The following SLCO1C1 variants were observed in gnomAD, a reference collection of about 807,000 sequenced individuals.
SLCO1C1 encodes OAT-RP-5.
Under a neutral mutation model 76.4 loss-of-function variants are expected in SLCO1C1, and 70 were observed. The observed-to-expected ratio is 0.92, with a 90% CI of 0.76 to 1.12. The LOEUF (loss-of-function observed/expected upper bound fraction) is 1.12. Among genes scored for constraint, SLCO1C1 ranks in the 50% most tolerant of loss-of-function variants. The pLI, the probability that SLCO1C1 is intolerant of heterozygous loss-of-function variation, is 0.00. For synonymous variants in SLCO1C1, 306 were observed against 286.1 expected (o/e 1.07, Z -0.70); for missense variants, 912 against 823.8 (o/e 1.11, Z -1.31).
At chr12:20,728,869 A>G (rs1948149622) in intron 9 of SLCO1C1, among the ~76,000 whole-genome samples, 1 of 152,102 alleles carries the variant, frequency 6.6e-6, no homozygotes, top group South Asian at 2.1e-4. Flanking sequence ...TAATAATTAT[A>G]TAATAAAATG....
chr12:20,751,916 T>C (rs992095287), intron 14 of SLCO1C1, among the ~76,000 whole-genome samples: 4 of 152,164 alleles, frequency 2.6e-5, no homozygotes, highest in African/African-American at 9.6e-5. Context: ...GGTCTGAGGA[T>C]AGGGTAGCCA....
chr12:20,696,608 T>A, intron 1 of SLCO1C1: 1 of 152,162 alleles, frequency 6.6e-6, no homozygotes, highest in East Asian at 1.9e-4. Flanking sequence ...GAATAAGTTA[T>A]GCTCCAAACC....
At chr12:20,743,096 A>T (rs1332611382) in intron 12 of SLCO1C1, among the ~76,000 whole-genome samples, 5 of 152,190 alleles carry the variant, frequency 3.3e-5, no homozygotes, top group Non-Finnish European at 7.3e-5. Flanking sequence ...TTCTAGAAAT[A>T]TTAATTATAA....
intron 5 of SLCO1C1, among the ~76,000 whole-genome samples, chr12:20,713,697 A>G (rs1947241414): frequency 6.6e-6 from 1 of 152,208 alleles, no homozygotes; most frequent in Non-Finnish European, 1.5e-5. Context: ...CTGTCCACAG[A>G]ACTATCTGTG....
chr12:20,745,800 GGGTGACAA>G (rs1267471210), intron 13 of SLCO1C1, among the ~76,000 whole-genome samples: 5 of 151,722 alleles, frequency 3.3e-5, no homozygotes, highest in Non-Finnish European at 2.9e-5. Flanking sequence ...ACTCCAGCCT[GGGTGACAA>G]AGCAAGTCTC....
intron 3 of SLCO1C1, among the ~76,000 whole-genome samples, chr12:20,704,303 C>G (rs1272140181): frequency 1.4e-5 from 2 of 146,642 alleles, no homozygotes; most frequent in East Asian, 4.1e-4. Context: ...ATGACATGCC[C>G]ATTAACGTAA....
At chr12:20,712,384 G>T (rs1167140210) in intron 5 of SLCO1C1, among the ~76,000 whole-genome samples, 2 of 152,128 alleles carry the variant, frequency 1.3e-5, no homozygotes, top group East Asian at 1.9e-4. Context: ...CTTGCCTCCT[G>T]CCTGGGCTTC....
intron 13 of SLCO1C1, among the ~76,000 whole-genome samples, chr12:20,747,144 G>T (rs1046112487): frequency 5.9e-5 from 9 of 152,182 alleles, no homozygotes; most frequent in Non-Finnish European, 8.8e-5. Flanking sequence ...AAGAGTTCAG[G>T]CTGGGCACAT....
At chr12:20,739,156 C>A (rs1367109168) in intron 11 of SLCO1C1, among the ~76,000 whole-genome samples, 1 of 152,100 alleles carries the variant, frequency 6.6e-6, no homozygotes, top group Non-Finnish European at 1.5e-5. Context: ...ATGTCATATC[C>A]TCAAATTGTT....
Position 20,695,370 on chromosome 12 carries a change from A to C in SLCO1C1, c.-463A>C, listed in dbSNP as rs1946224639. The C allele has an allele frequency of 6.6e-6, 1 of 152,092 alleles. No homozygotes were observed. Among genetic ancestry groups the C allele is most frequent in the African/African-American group, 2.4e-5 (1 of 41,426 alleles). 9.4% of individuals were successfully genotyped at this position (152,092 alleles called of 1,614,324 possible). ...CCCCTGCGGAGTTGTGTTTTCTGGG[A>C]ATCAGCAAGTAAGATCACAAGTGGT... On this transcript the variant is annotated 5_prime_UTR_variant, in exon 1 of 15. Transcript: ENST00000266509.
At chr12:20,705,109 C>G (rs1946711775) in intron 3 of SLCO1C1, among the ~76,000 whole-genome samples, 1 of 151,894 alleles carries the variant, frequency 6.6e-6, no homozygotes, top group South Asian at 2.1e-4. Context: ...TTTTTACGCA[C>G]AGCAAAGCGT....
At position 20,733,053 on chromosome 12, in the gene SLCO1C1, C is replaced by T. The variant is rs1365126002; in HGVS notation, c.1331C>T (p.Ala444Val). 1.2e-6 allele frequency: 2 copies of T among 1,610,118 alleles called. No individual in the cohort carries two copies. The highest frequency in any genetic ancestry group is 4.5e-5 in the East Asian group (2 of 44,838). Residue 444 changes from alanine to valine, a missense_variant, in exon 10 of 15, where the codon GCA becomes GTA. Ala to Val is a moderately conservative substitution (Grantham distance 64). Transcript: ENST00000266509. ...FGYLLFLSLF[A>V]LGCENSDVAG... ...TACCTCCTATTTCTTTCCCTGTTTG[C>T]ACTGGGCTGTGAAAATTCTGATGTG...
chr12:20,726,364 C>T (rs930799035), intron 9 of SLCO1C1, among the ~76,000 whole-genome samples: 4 of 151,632 alleles, frequency 2.6e-5, no homozygotes, highest in African/African-American at 9.7e-5. Context: ...TTTGACATAC[C>T]ATGGAGGGGT....
intron 6 of SLCO1C1, among the ~76,000 whole-genome samples, chr12:20,716,644 C>T (rs1947371463): frequency 6.6e-6 from 1 of 152,180 alleles, no homozygotes; most frequent in South Asian, 2.1e-4. Context: ...TTGCTAGCTG[C>T]ATCTGGGGAT....
intron 13 of SLCO1C1, among the ~76,000 whole-genome samples, 160 bp from the exon 14 acceptor site, chr12:20,750,515 G>T (rs982659457): frequency 2.6e-5 from 4 of 152,162 alleles, no homozygotes; most frequent in Non-Finnish European, 4.4e-5. Context: ...TATGAGAAAA[G>T]ACTGGATTAG....
At chr12:20,701,841 A>C (rs1428567322) in intron 3 of SLCO1C1, among the ~76,000 whole-genome samples, 2 of 151,996 alleles carry the variant, frequency 1.3e-5, no homozygotes, top group Non-Finnish European at 2.9e-5. Flanking sequence ...GGTGTGGAAT[A>C]ATCCAAATGC....
chr12:20,729,403 A>C (rs1948169013), intron 9 of SLCO1C1, among the ~76,000 whole-genome samples: 1 of 152,164 alleles, frequency 6.6e-6, no homozygotes, highest in Non-Finnish European at 1.5e-5. Context: ...TTTTATTGGA[A>C]ACCACTGAAA....
At chr12:20,738,111 A>T (rs1565538679) in intron 11 of SLCO1C1, among the ~76,000 whole-genome samples, 1 of 152,070 alleles carries the variant, frequency 6.6e-6, no homozygotes, top group Non-Finnish European at 1.5e-5. Flanking sequence ...CACATTCATG[A>T]GGGCTACACC....
intron 5 of SLCO1C1, among the ~76,000 whole-genome samples, chr12:20,713,356 G>C (rs10770710): frequency 0.64 from 96,782 of 151,872 alleles, 31,929 homozygotes; most frequent in East Asian, 0.96. Flanking sequence ...TGGGATTACA[G>C]GCGTGAGCCA....
Sources: allele counts gnomAD v4.1 joint callset (sites outside exome capture counted in the v4.1 genomes callset), GRCh38; gene constraint gnomAD v4.1.1; transcripts MANE v1.5; gene names NCBI Gene and HGNC (gene_info 2026-07-23, HGNC 2026-07-21).